Variants in SORCS2 observed in about 807,000 individuals in gnomAD.
SORCS2 encodes VPS10 domain-containing receptor SorCS2.
SORCS2 carries 100 observed loss-of-function variants against 141.6 expected under a neutral mutation model. That is an observed-to-expected ratio of 0.71 (90% CI 0.60 to 0.83). The LOEUF is 0.83. Among genes scored for constraint, SORCS2 ranks in the 40% least tolerant of loss-of-function variants. SORCS2 has a pLI of 0.00. For missense variants in SORCS2, 1,646 were observed against 1,560.2 expected (o/e 1.05, Z -0.93); for synonymous variants, 789 against 676.9 (o/e 1.17, Z -2.57).
chr4:7,415,996 A>C (rs913264711), intron 2 of SORCS2, among the ~76,000 whole-genome samples: 11 of 152,196 alleles, frequency 7.2e-5, no homozygotes, highest in South Asian at 2.1e-4. Flanking sequence ...ATGTGCAGAA[A>C]CACAGAGGCA....
intron 3 of SORCS2, among the ~76,000 whole-genome samples, chr4:7,630,825 G>C (rs1385863348): frequency 6.6e-6 from 1 of 152,180 alleles, no homozygotes; most frequent in East Asian, 1.9e-4. Context: ...TGAGCTGGGT[G>C]CATCTGTCTG....
At chr4:7,472,297 AT>A (rs1021179685) in intron 2 of SORCS2, among the ~76,000 whole-genome samples, 6 of 152,166 alleles carry the variant, frequency 3.9e-5, no homozygotes, top group African/African-American at 1.2e-4. Flanking sequence ...GTTGGGGATG[AT>A]TCAGGGCAGG....
intron 9 of SORCS2, among the ~76,000 whole-genome samples, chr4:7,680,140 C>T (rs1459589219): frequency 2.6e-5 from 4 of 152,220 alleles, no homozygotes; most frequent in South Asian, 2.1e-4. Context: ...TTCCCCGGGC[C>T]TCCCTTCAGC....
chr4:7,709,075 G>A (rs1725659233), intron 14 of SORCS2, among the ~76,000 whole-genome samples: 2 of 152,212 alleles, frequency 1.3e-5, no homozygotes, highest in African/African-American at 4.8e-5. Flanking sequence ...GCCTTTACGG[G>A]GATGGGGAGT....
chr4:7,276,375 A>C (rs760375224), intron 1 of SORCS2, among the ~76,000 whole-genome samples: 2 of 152,062 alleles, frequency 1.3e-5, no homozygotes, highest in Non-Finnish European at 2.9e-5. Context: ...TCCGGCAGAC[A>C]AGATACGTCC....
rs776273419 is a variant in SORCS2, at chr4:7,664,455, A to C, written c.1055A>C (p.Asp352Ala). 6.2e-7 allele frequency: 1 copy of C among 1,612,442 alleles called. No individual in the cohort carries two copies. The highest frequency in any genetic ancestry group is 1.1e-5 in the South Asian group (1 of 90,868). Residue 352 changes from aspartate to alanine, a missense_variant, in exon 7 of 27, where the codon GAT becomes GCT. Coordinates refer to ENST00000507866, the MANE Select transcript of SORCS2 (RefSeq NM_020777.3). This position sits in a 1 kb window ranked among gnomAD's most constrained non-coding sequence, Gnocchi z 4.7. The stretch of plus-strand genomic sequence containing the variant: ...CACGGGTCTCTGACCGTGCAGGACG[A>C]TTACATCTTCTTTAAGGTAAGGTTG... Reference protein sequence around the residue: ...IDHGSLTVQDDYIFFKATSAN... With the variant: ...IDHGSLTVQDAYIFFKATSAN...
Position 7,676,146 on chromosome 4 carries a change from C to T in SORCS2, c.1258C>T (p.Arg420Trp), listed in dbSNP as rs373293446. The stretch of plus-strand genomic sequence containing the variant: ...CTACAACCTGTACCAGTCGGACCCA[C>T]GGGGCGTGCGCTACGCGCTGGTGCT... ...DTYNLYQSDP[R>W]GVRYALVLQD... is the part of the protein sequence containing the mutation. The change falls in exon 9 of 27, where the codon CGG (arginine) becomes TGG (tryptophan). Residue 420 changes from arginine to tryptophan, a missense_variant. Coordinates refer to ENST00000507866, the MANE Select transcript of SORCS2 (RefSeq NM_020777.3). 3.7e-5 allele frequency: 58 copies of T among 1,567,932 alleles called. No individual in the cohort carries two copies. The African/African-American group carries it at 4.3e-4, about 12-fold the overall frequency.
At chr4:7,327,859 C>T (rs899911902) in intron 1 of SORCS2, among the ~76,000 whole-genome samples, 40 of 152,092 alleles carry the variant, frequency 2.6e-4, no homozygotes, top group Admixed American at 1.6e-3. Flanking sequence ...GGCTGCTGAC[C>T]GTGCTGTCCT....
intron 2 of SORCS2, among the ~76,000 whole-genome samples, chr4:7,518,668 C>T (rs1057368890): frequency 6.6e-6 from 1 of 152,140 alleles, no homozygotes; most frequent in Non-Finnish European, 1.5e-5. Flanking sequence ...CTACCCTGGT[C>T]CATTCACAGG....
intron 2 of SORCS2, among the ~76,000 whole-genome samples, chr4:7,509,758 C>T (rs1732500934): frequency 2.6e-5 from 4 of 152,104 alleles, no homozygotes; most frequent in Admixed American, 2.0e-4. Flanking sequence ...TGGGGTGGTT[C>T]AGCCTCCACC....
chr4:7,624,276 C>T (rs562745368), intron 3 of SORCS2, among the ~76,000 whole-genome samples: 8 of 152,286 alleles, frequency 5.3e-5, no homozygotes, highest in African/African-American at 1.7e-4. Context: ...CATTCACGGG[C>T]CTTTCTTATT....
At chr4:7,360,704 T>C (rs1721531553) in intron 1 of SORCS2, among the ~76,000 whole-genome samples, 1 of 147,532 alleles carries the variant, frequency 6.8e-6, no homozygotes, top group Non-Finnish European at 1.5e-5. Context: ...CACCTCAGCC[T>C]CCCGAGTAGC....
At chr4:7,615,650 T>G (rs1244527901) in intron 3 of SORCS2, among the ~76,000 whole-genome samples, 1 of 152,222 alleles carries the variant, frequency 6.6e-6, no homozygotes, top group Non-Finnish European at 1.5e-5. Context: ...CACGGTAGAT[T>G]TCCCCAACTG....
At chr4:7,429,997 T>C (rs1262375060) in intron 2 of SORCS2, among the ~76,000 whole-genome samples, 2 of 152,176 alleles carry the variant, frequency 1.3e-5, no homozygotes, top group Non-Finnish European at 2.9e-5. Context: ...CAGGGGCCAC[T>C]GTCCTGGGCC....
intron 1 of SORCS2, among the ~76,000 whole-genome samples, chr4:7,395,320 G>A (rs1294532343): frequency 6.6e-6 from 1 of 152,196 alleles, no homozygotes; most frequent in Non-Finnish European, 1.5e-5. Context: ...CCAGGGTGGT[G>A]ACCCCAAATA....
rs148696758 is a variant in SORCS2, at chr4:7,539,190, C to T, written c.648+7561C>T. Among the ~76,000 whole-genome samples the T allele has an allele frequency of 3.3e-3, 505 of 152,330 alleles. 3 individuals are homozygous for T. Among genetic ancestry groups the T allele is most frequent in the Non-Finnish European group, 6.0e-3 (406 of 68,032 alleles). On this transcript the variant is annotated intron_variant, in intron 3 of 26. Transcript: ENST00000507866. ...GCAGCTCTGTACAGACACCAAAAGCCTGTGCTTTGGGCACAGGGCCCTGCC... is the reference window on the plus strand; with the variant it reads ...GCAGCTCTGTACAGACACCAAAAGCTTGTGCTTTGGGCACAGGGCCCTGCC...
chr4:7,512,489 G>A (rs6817888), intron 2 of SORCS2, among the ~76,000 whole-genome samples: 3 of 151,522 alleles, frequency 2.0e-5, no homozygotes, highest in African/African-American at 7.3e-5. Flanking sequence ...GAGGGCTGGG[G>A]TGGCCAACCA....
At chr4:7,738,597 C>T (rs1479108989) in intron 26 of SORCS2, among the ~76,000 whole-genome samples, 1 of 152,174 alleles carries the variant, frequency 6.6e-6, no homozygotes, top group Non-Finnish European at 1.5e-5. Flanking sequence ...GAACGGCACA[C>T]AGGAAGCCAC....
At chr4:7,577,014 G>A (rs749379397) in intron 3 of SORCS2, among the ~76,000 whole-genome samples, 104 of 152,356 alleles carry the variant, frequency 6.8e-4, no homozygotes, top group Non-Finnish European at 1.3e-3. Flanking sequence ...GACAGATGTG[G>A]TCTTCTGGCC....
Sources: gnomAD v4.1 joint callset for allele counts (sites outside exome capture counted in the v4.1 genomes callset) on GRCh38, gnomAD v4.1.1 for gene constraint, Gnocchi (gnomAD v3.1) non-coding constraint, MANE v1.5 for transcripts, NCBI Gene and HGNC (gene_info 2026-07-23, HGNC 2026-07-21) for gene names.